Variants in TAF2 observed in about 807,000 individuals in gnomAD.
TAF2 encodes transcription initiation factor TFIID subunit 2.
A neutral mutation model predicts 138.5 loss-of-function variants in TAF2; 61 were observed. The observed-to-expected ratio is 0.44, with a 90% CI of 0.36 to 0.54. The LOEUF is 0.54. TAF2 is among the 20% of genes least tolerant of loss of function. The pLI, the probability that TAF2 is intolerant of heterozygous loss-of-function variation, is 0.00. For synonymous variants in TAF2, 475 were observed against 469.9 expected (o/e 1.01, Z -0.14); for missense variants, 1,090 against 1,427.9 (o/e 0.76, Z 3.81).
intron 4 of TAF2, 135 bp from the exon 5 acceptor site, chr8:119,804,154 A>G (rs1203365620): frequency 8.8e-6 from 9 of 1,027,172 alleles, no homozygotes; most frequent in Non-Finnish European, 1.3e-5. Context: ...TACTTACCCT[A>G]GTTTAGACTT....
At chr8:119,805,840 CT>C (rs2131219638) in intron 4 of TAF2, among the ~76,000 whole-genome samples, 1 of 151,964 alleles carries the variant, frequency 6.6e-6, no homozygotes, top group Non-Finnish European at 1.5e-5. Context: ...CCAACCCATT[CT>C]ATATATTTCA....
chr8:119,790,389 G>A (rs1011235749), intron 11 of TAF2, among the ~76,000 whole-genome samples: 2 of 151,930 alleles, frequency 1.3e-5, no homozygotes, highest in Non-Finnish European at 2.9e-5. Flanking sequence ...GCAGTGGGCC[G>A]TGACTGCACC....
intron 23 of TAF2, among the ~76,000 whole-genome samples, chr8:119,745,331 TTATAAA>T (rs66493084): frequency 0.27 from 40,991 of 151,772 alleles, 6,715 homozygotes; most frequent in Admixed American, 0.46. Context: ...TGAGCAAGAA[TTATAAA>T]TATATCAATT....
At chr8:119,733,574 T>G (rs890834541) in intron 25 of TAF2, among the ~76,000 whole-genome samples, 1 of 152,170 alleles carries the variant, frequency 6.6e-6, no homozygotes, top group African/African-American at 2.4e-5. Context: ...CCAACTCTAG[T>G]GTACAGATTT....
chr8:119,805,432 G>A (rs547650855), intron 4 of TAF2, among the ~76,000 whole-genome samples: 98 of 152,156 alleles, frequency 6.4e-4, no homozygotes, highest in Non-Finnish European at 1.1e-3. Context: ...ATGGCCAGGC[G>A]CAGTGGCTCA....
intron 2 of TAF2, among the ~76,000 whole-genome samples, chr8:119,823,310 A>G (rs1221941252): frequency 1.3e-5 from 2 of 152,168 alleles, no homozygotes; most frequent in Non-Finnish European, 2.9e-5. Flanking sequence ...GTTACCTGAC[A>G]TGTTTGGGCT....
intron 17 of TAF2, among the ~76,000 whole-genome samples, chr8:119,780,095 C>T (rs754710791): frequency 7.2e-5 from 11 of 152,264 alleles, no homozygotes; most frequent in Non-Finnish European, 4.4e-5. Context: ...GTTCTCTCTA[C>T]TTCAACTTCA....
chr8:119,764,149 A>T (rs1821265556), intron 18 of TAF2, among the ~76,000 whole-genome samples: 3 of 152,178 alleles, frequency 2.0e-5, no homozygotes, highest in South Asian at 2.1e-4. Context: ...CCATCTCAAA[A>T]AAAATAAAAT....
intron 18 of TAF2, among the ~76,000 whole-genome samples, chr8:119,771,924 G>GC (rs1821869224): frequency 6.6e-6 from 1 of 151,988 alleles, no homozygotes; most frequent in Non-Finnish European, 1.5e-5. Flanking sequence ...CCCCCAAACT[G>GC]ACCACATGCT....
At chr8:119,798,411 T>C (rs1257768681) in intron 6 of TAF2, among the ~76,000 whole-genome samples, 1 of 152,186 alleles carries the variant, frequency 6.6e-6, no homozygotes, top group Non-Finnish European at 1.5e-5. Context: ...ACATCTCACT[T>C]TGGTCACACA....
intron 2 of TAF2, among the ~76,000 whole-genome samples, chr8:119,828,419 C>T (rs961407897): frequency 2.6e-5 from 4 of 152,144 alleles, no homozygotes; most frequent in Admixed American, 2.0e-4. Context: ...TAAAGCTTTG[C>T]TATACAATAA....
intron 25 of TAF2, among the ~76,000 whole-genome samples, chr8:119,733,092 C>T (rs1245675582): frequency 3.9e-5 from 6 of 152,090 alleles, no homozygotes; most frequent in East Asian, 1.9e-4. Context: ...CATGGATTTT[C>T]GTATACCAGG....
intron 2 of TAF2, among the ~76,000 whole-genome samples, chr8:119,826,099 C>G (rs1315301323): frequency 6.6e-6 from 1 of 151,768 alleles, no homozygotes; most frequent in Non-Finnish European, 1.5e-5. Context: ...CATCAAACAC[C>G]AGGGCCCGTT....
chr8:119,818,767 C>CAG (rs1295040414), intron 3 of TAF2, among the ~76,000 whole-genome samples: 2 of 134,988 alleles, frequency 1.5e-5, no homozygotes, highest in African/African-American at 2.7e-5. Flanking sequence ...CACACACACA[C>CAG]AGAAAATGGA....
chr8:119,805,038 T>A (rs903702888), intron 4 of TAF2, among the ~76,000 whole-genome samples: 1 of 152,096 alleles, frequency 6.6e-6, no homozygotes. Context: ...CCCTACCCCG[T>A]CCCCAGCACC....
chr8:119,821,209 G>A (rs915777668), intron 2 of TAF2, among the ~76,000 whole-genome samples: 1 of 152,070 alleles, frequency 6.6e-6, no homozygotes, highest in Non-Finnish European at 1.5e-5. Flanking sequence ...TGAAACATTC[G>A]GACCCATTAA....
At chr8:119,769,754 T>C (rs553013380) in intron 18 of TAF2, among the ~76,000 whole-genome samples, 19 of 150,838 alleles carry the variant, frequency 1.3e-4, no homozygotes, top group African/African-American at 4.6e-4. Context: ...ATTAACCCAG[T>C]CAGAACTGTT....
At chr8:119,789,108 C>T (rs1301029695) in intron 12 of TAF2, among the ~76,000 whole-genome samples, 1 of 152,172 alleles carries the variant, frequency 6.6e-6, no homozygotes, top group Non-Finnish European at 1.5e-5. Context: ...TTCTGAAACA[C>T]TGACAAATTT....
At position 119,783,368 on chromosome 8, in the gene TAF2, T is replaced by C. The variant is rs887084641; in HGVS notation, c.2112+13A>G. 1.9e-6 allele frequency: 3 copies of C among 1,613,872 alleles called. No individual in the cohort carries two copies. The highest frequency in any genetic ancestry group is 2.5e-6 in the Non-Finnish European group (3 of 1,179,900). On this transcript the variant is annotated intron_variant, in intron 16 of 25. Transcript: ENST00000378164. ...TACAATAGTCATTTCCTTTATGCTGTATATAATCTCACCTTTGCAAGACAG... is the reference window on the plus strand; with the variant it reads ...TACAATAGTCATTTCCTTTATGCTGCATATAATCTCACCTTTGCAAGACAG...
Sources: gnomAD v4.1 joint callset for allele counts (sites outside exome capture counted in the v4.1 genomes callset) on GRCh38, gnomAD v4.1.1 for gene constraint, MANE v1.5 for transcripts, NCBI Gene and HGNC (gene_info 2026-07-23, HGNC 2026-07-21) for gene names.